Variants in UBTD2 observed in about 807,000 individuals in gnomAD.
UBTD2 encodes the protein ubiquitin domain containing 2.
Under a neutral mutation model 19.8 loss-of-function variants are expected in UBTD2, and 9 were observed. The ratio of observed to expected loss-of-function variants is 0.46; its 90% CI spans 0.27 to 0.79. The LOEUF is 0.79. Among genes scored for constraint, UBTD2 ranks in the 30% least tolerant of loss-of-function variants. UBTD2 has a pLI of 0.14. For synonymous variants in UBTD2, 98 were observed against 103.9 expected, an observed-to-expected ratio of 0.94 and a Z score of 0.35; for missense variants, 250 against 300.4, an observed-to-expected ratio of 0.83 and a Z score of 1.24.
chr5:172,254,630 T>C (rs924082292), intron 1 of UBTD2: 1 of 642,574 alleles, frequency 1.6e-6, no homozygotes, highest in Admixed American at 2.8e-5. Context: ...CGTAATCACA[T>C]CTGTGTATCC....
intron 2 of UBTD2, among the ~76,000 whole-genome samples, chr5:172,223,617 A>AAAAAAAAAG (rs1561850764): frequency 5.4e-5 from 7 of 129,280 alleles, no homozygotes; most frequent in African/African-American, 1.8e-4. Context: ...AAAAAAAAAA[A>AAAAAAAAAG]GCACACTTAG....
chr5:172,246,751 CTTTTTTTTTTTTTTTTT>C (rs70982379), intron 1 of UBTD2, among the ~76,000 whole-genome samples: 12 of 62,498 alleles, frequency 1.9e-4, no homozygotes, highest in South Asian at 1.3e-3. Flanking sequence ...GCCGAGATTG[CTTTTTTTTTTTTTTTTT>C]TTTTTTTTTT....
intron 2 of UBTD2, among the ~76,000 whole-genome samples, chr5:172,228,487 G>A (rs370398369): frequency 1.3e-5 from 2 of 152,156 alleles, no homozygotes; most frequent in Non-Finnish European, 2.9e-5. Flanking sequence ...TTGGGAGGCC[G>A]AGGCGGGTGG....
intron 1 of UBTD2, 53 bp from the exon 2 acceptor site, chr5:172,234,411 A>G (rs1182062722): frequency 7.2e-7 from 1 of 1,389,438 alleles, no homozygotes; most frequent in African/African-American, 1.4e-5. Context: ...TAAAATATGT[A>G]TCAAAAGTTA....
chr5:172,240,543 G>GT (rs1366314552), intron 1 of UBTD2, among the ~76,000 whole-genome samples: 8 of 152,124 alleles, frequency 5.3e-5, no homozygotes, highest in African/African-American at 1.7e-4. Context: ...TTCTCAGAGT[G>GT]TAAGTCCCCT....
At position 172,276,697 on chromosome 5, in the gene UBTD2, A is replaced by G. The variant is rs141820401; in HGVS notation, c.70+6899T>C. ...TAAGGTTCATTATTGGGGTGCAGAGACAAAGAAAGGGAGGGAGGGAAAGAC... is the reference window on the plus strand; with the variant it reads ...TAAGGTTCATTATTGGGGTGCAGAGGCAAAGAAAGGGAGGGAGGGAAAGAC... On this transcript the variant is annotated intron_variant, in intron 1 of 2. Transcript: ENST00000393792. Among the ~76,000 whole-genome samples, 215 of 152,048 alleles carry G rather than the reference A, an allele frequency of 1.4e-3. 2 individuals are homozygous for G. The Middle Eastern group carries it at 0.031, about 22-fold the overall frequency.
intron 1 of UBTD2, among the ~76,000 whole-genome samples, chr5:172,275,012 T>C (rs1170879858): frequency 1.3e-5 from 2 of 151,978 alleles, no homozygotes; most frequent in Non-Finnish European, 2.9e-5. Context: ...CTCCAGCCTG[T>C]GCAACAGAGC....
intron 2 of UBTD2, among the ~76,000 whole-genome samples, chr5:172,229,444 T>C (rs1771845187): frequency 7.8e-6 from 1 of 129,012 alleles, no homozygotes; most frequent in Non-Finnish European, 1.5e-5. Flanking sequence ...GAGCTTGCAG[T>C]GAGCCGAGAT....
intron 1 of UBTD2, among the ~76,000 whole-genome samples, chr5:172,272,466 G>A (rs1159427808): frequency 1.3e-5 from 2 of 152,096 alleles, no homozygotes; most frequent in Non-Finnish European, 2.9e-5. Flanking sequence ...CCCAAATGAA[G>A]ATAACCACTC....
intron 1 of UBTD2, among the ~76,000 whole-genome samples, chr5:172,261,919 C>T (rs991923985): frequency 5.3e-5 from 8 of 152,094 alleles, no homozygotes; most frequent in African/African-American, 1.7e-4. Context: ...CCACCACACC[C>T]AGCCTCACTC....
intron 1 of UBTD2, among the ~76,000 whole-genome samples, chr5:172,271,732 C>T (rs1755497177): frequency 6.6e-6 from 1 of 151,972 alleles, no homozygotes; most frequent in African/African-American, 2.4e-5. Context: ...AAGTAGTTGC[C>T]CTAAGTTGAA....
chr5:172,278,061 C>A (rs948708785), intron 1 of UBTD2, among the ~76,000 whole-genome samples: 15 of 152,044 alleles, frequency 9.9e-5, no homozygotes, highest in African/African-American at 3.6e-4. Flanking sequence ...GAAACTGGAA[C>A]CATCATACAC....
In UBTD2 at chr5:172,212,017, G is replaced by A; in HGVS notation, c.518C>T (p.Thr173Ile). 1 of 1,614,202 alleles carries A rather than the reference G, an allele frequency of 6.2e-7. No homozygotes were observed. Among genetic ancestry groups the A allele is most frequent in the Non-Finnish European group, 8.5e-7 (1 of 1,180,034 alleles). The part of the protein sequence containing the change: ...DLKLVVRSTD[T>I]VFHMKRRLHA... ...CAACCGTCTCTTCATGTGGAATACT[G>A]TGTCTGTGCTGCGAACCACAAGCTT... The change falls in exon 3 of 3, where the codon ACA (threonine) becomes ATA (isoleucine). Residue 173 changes from threonine (T) to isoleucine (I), a missense_variant. Transcript: ENST00000393792.
At chr5:172,239,425 CTTT>C (rs2113899377) in intron 1 of UBTD2, among the ~76,000 whole-genome samples, 1 of 151,930 alleles carries the variant, frequency 6.6e-6, no homozygotes, top group Non-Finnish European at 1.5e-5. Flanking sequence ...CCGTCTCTCT[CTTT>C]TTTTCCTTTG....
intron 1 of UBTD2, chr5:172,255,334 T>C (rs1755119075): frequency 4.4e-6 from 2 of 457,182 alleles, no homozygotes; most frequent in Admixed American, 2.6e-5. Flanking sequence ...GATGACCCCA[T>C]ACTTGTTGGG....
At chr5:172,213,808 C>T (rs866563645) in intron 2 of UBTD2, among the ~76,000 whole-genome samples, 7 of 151,604 alleles carry the variant, frequency 4.6e-5, no homozygotes, top group South Asian at 4.2e-4. Flanking sequence ...TTTTTTGAGA[C>T]GGAATTTCAC....
chr5:172,281,787 A>C (rs1755721250), intron 1 of UBTD2, among the ~76,000 whole-genome samples: 1 of 152,150 alleles, frequency 6.6e-6, no homozygotes, highest in East Asian at 1.9e-4. Context: ...CCCTGACCCC[A>C]GTTACATCAG....
At chr5:172,273,056 G>T (rs776989444) in intron 1 of UBTD2, among the ~76,000 whole-genome samples, 3 of 147,554 alleles carry the variant, frequency 2.0e-5, no homozygotes, top group African/African-American at 7.6e-5. Flanking sequence ...CAGCCTGGGC[G>T]AGACAGCAAG....
intron 1 of UBTD2, chr5:172,242,293 T>C: frequency 1.4e-6 from 1 of 692,084 alleles, no homozygotes. Flanking sequence ...CACTATAATA[T>C]CGTTGTCATA....
Sources: gnomAD v4.1 joint callset for allele counts (sites outside exome capture counted in the v4.1 genomes callset) on GRCh38, gnomAD v4.1.1 for gene constraint, MANE v1.5 for transcripts, NCBI Gene and HGNC (gene_info 2026-07-23, HGNC 2026-07-21) for gene names.